The following ACTN1 variants were observed in gnomAD, a reference collection of about 807,000 sequenced individuals.
The protein encoded by ACTN1 is actinin alpha 1.
ACTN1 carries 30 observed loss-of-function variants against 119.6 expected under a neutral mutation model. The ratio of observed to expected loss-of-function variants is 0.25; its 90% CI spans 0.19 to 0.34. ACTN1 has a LOEUF of 0.34. Ranked by LOEUF, ACTN1 falls within the 10% of genes least tolerant of loss-of-function variation. The pLI, the probability that ACTN1 is intolerant of heterozygous loss-of-function variation, is 1.00. For missense variants in ACTN1, 764 were observed against 1,223.4 expected, an observed-to-expected ratio of 0.62 and a Z score of 5.60; for synonymous variants, 429 against 472.6, an observed-to-expected ratio of 0.91 and a Z score of 1.20.
intron 8 of ACTN1, among the ~76,000 whole-genome samples, chr14:68,900,385 A>G (rs970224168): frequency 6.6e-6 from 1 of 152,000 alleles, no homozygotes; most frequent in African/African-American, 2.4e-5. Context: ...GTTGAGAAGC[A>G]TCAGGCAGGG....
At chr14:68,937,493 C>A (rs1286771670) in intron 1 of ACTN1, among the ~76,000 whole-genome samples, 1 of 152,082 alleles carries the variant, frequency 6.6e-6, no homozygotes, top group African/African-American at 2.4e-5. Context: ...CTCTGAAGAA[C>A]TTTAAAGTGC....
chr14:68,974,668 T>C (rs1311717337), intron 1 of ACTN1, among the ~76,000 whole-genome samples: 8 of 152,174 alleles, frequency 5.3e-5, no homozygotes, highest in African/African-American at 4.8e-5. Context: ...CCAATGGCCA[T>C]TATTGGCAGA....
chr14:68,967,597 T>C lies in ACTN1; in HGVS notation c.105+11355A>G, dbSNP rs1189563614. ...GTTTCACAACAGTGCCCCAAGAAAG[T>C]GTAATGAAGGCAGGCAGGCTGCCAC... On this transcript the variant is annotated intron_variant, in intron 1 of 21. Coordinates refer to ENST00000394419, the MANE Select transcript of ACTN1 (RefSeq NM_001130004.2). Among the ~76,000 whole-genome samples, 10 of 152,272 alleles carry C rather than the reference T, an allele frequency of 6.6e-5. No homozygotes were observed. In the South Asian group the frequency reaches 1.0e-3, roughly 16 times the overall value.
At position 68,925,453 on chromosome 14, in the gene ACTN1, T is replaced by C; in HGVS notation, c.220+105A>G. 1.3e-6 allele frequency: 1 copy of C among 796,486 alleles called. No individual in the cohort carries two copies. Among genetic ancestry groups the C allele is most frequent in the Non-Finnish European group, 1.9e-6 (1 of 526,000 alleles). 49.3% of individuals were successfully genotyped at this position (796,486 alleles called of 1,614,324 possible). On this transcript the variant is annotated intron_variant, in intron 2 of 21. Transcript: ENST00000394419. The surrounding 1 kb of genome is among the most constrained non-coding windows in gnomAD (Gnocchi z 4.3). ...GAATTCATACATGTCATCCCCAACT[T>C]GTTTCAAGAGACCAAAACCAGCTGC...
At chr14:68,977,588 T>C (rs2037101971) in intron 1 of ACTN1, 1 of 245,844 alleles carries the variant, frequency 4.1e-6, no homozygotes, top group Non-Finnish European at 8.1e-6. Flanking sequence ...GCCTGTCTGA[T>C]GAAGTGAGTA....
intron 1 of ACTN1, among the ~76,000 whole-genome samples, chr14:68,943,687 T>A (rs1402991348): frequency 1.3e-5 from 2 of 152,222 alleles, no homozygotes; most frequent in Non-Finnish European, 2.9e-5. Context: ...GCTACCATTA[T>A]AACCCTCAGT....
chr14:68,957,136 C>G (rs995851162), intron 1 of ACTN1, among the ~76,000 whole-genome samples: 1 of 152,196 alleles, frequency 6.6e-6, no homozygotes, highest in Admixed American at 6.5e-5. Context: ...AAACTGAAAG[C>G]TGTTTGCAAC....
chr14:68,924,759 G>A (rs1042488080), intron 2 of ACTN1, among the ~76,000 whole-genome samples: 2 of 152,250 alleles, frequency 1.3e-5, no homozygotes, highest in African/African-American at 4.8e-5. Flanking sequence ...GGACTGAGAA[G>A]AAGGAATCAG....
At chr14:68,942,033 G>C (rs902398641) in intron 1 of ACTN1, among the ~76,000 whole-genome samples, 3 of 152,126 alleles carry the variant, frequency 2.0e-5, no homozygotes, top group Non-Finnish European at 4.4e-5. Context: ...GGAAACCCAA[G>C]CCCGCAGGAT....
Position 68,884,856 on chromosome 14 carries a change from A to G in ACTN1, c.1413T>C (p.Ser471=). 1.2e-6 allele frequency: 2 copies of G among 1,614,144 alleles called. No individual in the cohort carries two copies. Among genetic ancestry groups the G allele is most frequent in the Non-Finnish European group, 1.7e-6 (2 of 1,179,968 alleles). The stretch of plus-strand genomic sequence containing the variant: ...AGATCTTTTGGCAACGGGCGTTGAC[A>G]CTGGGTGAGTCATAATAGTCCAGCT... ...LNELDYYDSP[S]VNARCQKICD... is the part of the protein sequence containing the mutation. The change falls in exon 13 of 22, where the codon AGT becomes AGC. Residue 471 remains serine (S), a synonymous_variant. Transcript: ENST00000394419.
chr14:68,975,718 G>A (rs2140713562), intron 1 of ACTN1, among the ~76,000 whole-genome samples: 1 of 152,302 alleles, frequency 6.6e-6, no homozygotes, highest in African/African-American at 2.4e-5. Context: ...GAAAAGTAGA[G>A]GAAATGCCTC....
intron 1 of ACTN1, among the ~76,000 whole-genome samples, chr14:68,936,296 C>T (rs915994766): frequency 6.6e-6 from 1 of 152,082 alleles, no homozygotes; most frequent in Admixed American, 6.6e-5. Context: ...AGCTCCTAAC[C>T]CTTCTCAGCA....
intron 1 of ACTN1, among the ~76,000 whole-genome samples, chr14:68,963,935 T>C (rs1314250063): frequency 1.3e-5 from 2 of 152,216 alleles, no homozygotes; most frequent in Non-Finnish European, 2.9e-5. Flanking sequence ...AAAAAATTCA[T>C]TCATTTATTC....
chr14:68,925,335 TTTTTTTA>T lies in ACTN1; in HGVS notation c.220+216_220+222del, dbSNP rs1393678479. 4.9e-3 allele frequency among the ~76,000 whole-genome samples: 734 copies of T among 150,470 alleles called. 6 individuals are homozygous for T. Among genetic ancestry groups the T allele is most frequent in the African/African-American group, 0.017 (705 of 40,788 alleles). On this transcript the variant is annotated intron_variant, in intron 2 of 21. Transcript: ENST00000394419. This position sits in a 1 kb window ranked among gnomAD's most constrained non-coding sequence, Gnocchi z 4.3. ...TTCAAACCCTTTTTTTTTTTTTTTTTTTTTTTAAAACAAACAAGGATGCTGAAACAAA... is the reference window on the plus strand; with the variant it reads ...TTCAAACCCTTTTTTTTTTTTTTTTTAAACAAACAAGGATGCTGAAACAAA...
In ACTN1 at chr14:68,874,672, TTTC is replaced by T; in HGVS notation, c.*184_*186del. 2.0e-6 allele frequency: 1 copy of T among 490,744 alleles called. No homozygotes were observed. The highest frequency in any genetic ancestry group is 4.3e-5 in the Admixed American group (1 of 23,274). 30.4% of individuals were successfully genotyped at this position (490,744 alleles called of 1,614,324 possible). On this transcript the variant is annotated 3_prime_UTR_variant, in exon 22 of 22. Coordinates refer to ENST00000394419, the MANE Select transcript of ACTN1 (RefSeq NM_001130004.2). ...TTTTTGGTTTTTAACGTAACTTTTTTTTCTTTTTTGCAGAAAATAATTTTGTAA... is the reference window on the plus strand; with the variant it reads ...TTTTTGGTTTTTAACGTAACTTTTTTTTTTTTGCAGAAAATAATTTTGTAA...
chr14:68,903,081 G>A (rs1273289050), intron 7 of ACTN1, among the ~76,000 whole-genome samples: 1 of 152,188 alleles, frequency 6.6e-6, no homozygotes, highest in Non-Finnish European at 1.5e-5. Flanking sequence ...TCGGAAGTAT[G>A]CAGTGGTAAA....
rs114039355 is a variant in ACTN1, at chr14:68,935,820, A to G, written c.106-10148T>C. 6.3e-3 allele frequency among the ~76,000 whole-genome samples: 963 copies of G among 152,298 alleles called. 13 individuals are homozygous for G. Among genetic ancestry groups the G allele is most frequent in the African/African-American group, 0.022 (927 of 41,548 alleles). On this transcript the variant is annotated intron_variant, in intron 1 of 21. Coordinates refer to ENST00000394419, the MANE Select transcript of ACTN1 (RefSeq NM_001130004.2). Reference sequence around the variant, plus strand: ...CACAGTGGAATAAACAAGATAACCCACCTGCAGCCAAACAAGACTAGCTGG... The same window carrying G: ...CACAGTGGAATAAACAAGATAACCCGCCTGCAGCCAAACAAGACTAGCTGG...
At chr14:68,888,323 T>C (rs1210153319) in intron 11 of ACTN1, 1 of 287,486 alleles carries the variant, frequency 3.5e-6, no homozygotes, top group East Asian at 9.3e-5. Flanking sequence ...ATGCCCCTGC[T>C]GGTGGCTGGC....
At position 68,882,689 on chromosome 14, in the gene ACTN1, C is replaced by G; in HGVS notation, c.1819-97G>C. 3 of 1,566,746 alleles carry G rather than the reference C, an allele frequency of 1.9e-6. No individual in the cohort carries two copies. The highest frequency in any genetic ancestry group is 2.6e-6 in the Non-Finnish European group (3 of 1,150,332). On this transcript the variant is annotated intron_variant, in intron 15 of 21. Transcript: ENST00000394419. The surrounding 1 kb of genome is among the most constrained non-coding windows in gnomAD (Gnocchi z 4.5). ...AGGACCCAGAAGGGGAAGGGCCGGT[C>G]AGTAACAGAACAGGAGTAAAGGTGT...
Sources: gnomAD v4.1 joint callset for allele counts (sites outside exome capture counted in the v4.1 genomes callset) on GRCh38, gnomAD v4.1.1 for gene constraint, Gnocchi (gnomAD v3.1) non-coding constraint, MANE v1.5 for transcripts, NCBI Gene and HGNC (gene_info 2026-07-23, HGNC 2026-07-21) for gene names.